WWP2: variants seen among roughly 807,000 people sequenced by gnomAD.
WWP2 encodes the protein NEDD4-like E3 ubiquitin-protein ligase WWP2.
In WWP2, 57 loss-of-function variants were observed where a neutral mutation model predicts 121.0. The observed-to-expected ratio is 0.47, with a 90% CI of 0.38 to 0.59. The LOEUF (loss-of-function observed/expected upper bound fraction) is 0.59. Among genes scored for constraint, WWP2 ranks in the 20% least tolerant of loss-of-function variants. The pLI, the probability that WWP2 is intolerant of heterozygous loss-of-function variation, is 0.00. For synonymous variants in WWP2, 449 were observed against 441.3 expected (o/e 1.02, Z -0.22); for missense variants, 962 against 1,158.9 (o/e 0.83, Z 2.47).
At chr16:69,876,785 A>G (rs1472426557) in intron 7 of WWP2, among the ~76,000 whole-genome samples, 1 of 152,198 alleles carries the variant, frequency 6.6e-6, no homozygotes, top group African/African-American at 2.4e-5. Flanking sequence ...GTAAATCTCC[A>G]TCAGAGCTCT....
chr16:69,868,690 C>CACAG (rs1411309107), intron 6 of WWP2, among the ~76,000 whole-genome samples: 1 of 139,326 alleles, frequency 7.2e-6, no homozygotes, highest in Non-Finnish European at 1.6e-5. Flanking sequence ...CACACACACA[C>CACAG]ACAGACATAC....
At chr16:69,892,699 A>G (rs1049948056) in intron 8 of WWP2, among the ~76,000 whole-genome samples, 1 of 152,144 alleles carries the variant, frequency 6.6e-6, no homozygotes, top group Admixed American at 6.5e-5. Context: ...ACACCCAGCT[A>G]ATTTTGTTTA....
chr16:69,882,652 G>A (rs142887057), intron 7 of WWP2, among the ~76,000 whole-genome samples: 13 of 152,274 alleles, frequency 8.5e-5, no homozygotes, highest in South Asian at 4.1e-4. Context: ...CGCAGGGGTC[G>A]GGAGGGCGTC....
At chr16:69,836,461 G>C in intron 4 of WWP2, among the ~76,000 whole-genome samples, 1 of 152,010 alleles carries the variant, frequency 6.6e-6, no homozygotes. Context: ...AGGTTGCCTT[G>C]CTTTGCTCTC....
chr16:69,790,677 G>A (rs2055890642), intron 2 of WWP2, among the ~76,000 whole-genome samples: 1 of 152,178 alleles, frequency 6.6e-6, no homozygotes, highest in East Asian at 1.9e-4. Context: ...CTGGGTTCAA[G>A]CGATTCTCAT....
At chr16:69,788,856 G>A (rs2055847604) in intron 2 of WWP2, among the ~76,000 whole-genome samples, 1 of 152,136 alleles carries the variant, frequency 6.6e-6, no homozygotes, top group South Asian at 2.1e-4. Context: ...GTGCCTGAAC[G>A]AAAGAATATT....
chr16:69,798,159 C>T (rs997898004), intron 2 of WWP2, among the ~76,000 whole-genome samples: 1 of 152,144 alleles, frequency 6.6e-6, no homozygotes, highest in Non-Finnish European at 1.5e-5. Context: ...GTTTACCTTT[C>T]TTGGAAAGGA....
chr16:69,898,069 A>G lies in WWP2; in HGVS notation c.914+9820A>G, dbSNP rs567765530. Reference sequence around the variant, plus strand: ...GAGACAGAGTCTTGCTCTGTTGCCCAGGCTGGAGTGTGCAGTGGCACAATC... The same window carrying G: ...GAGACAGAGTCTTGCTCTGTTGCCCGGGCTGGAGTGTGCAGTGGCACAATC... On this transcript the variant is annotated intron_variant, in intron 8 of 23. Coordinates refer to ENST00000359154, the MANE Select transcript of WWP2 (RefSeq NM_001270454.2). Among the ~76,000 whole-genome samples the G allele has an allele frequency of 1.2e-4, 15 of 124,248 alleles. No individual in the cohort carries two copies. In the Admixed American group the frequency reaches 1.5e-3, roughly 13 times the overall value. 81.5% of individuals were successfully genotyped at this position (124,248 alleles called of 152,430 possible). A position where few individuals can be genotyped will look rare whatever the true frequency, so the allele number is the denominator to read the frequency against.
At chr16:69,853,007 C>T (rs1235572591) in intron 6 of WWP2, among the ~76,000 whole-genome samples, 1 of 152,186 alleles carries the variant, frequency 6.6e-6, no homozygotes, top group Non-Finnish European at 1.5e-5. Context: ...AAGAGCAGTT[C>T]ACAAAGGGTC....
At chr16:69,928,769 A>G (rs74027734) in intron 11 of WWP2, among the ~76,000 whole-genome samples, 2,095 of 152,248 alleles carry the variant, frequency 0.014, 45 homozygotes, top group African/African-American at 0.047. Flanking sequence ...AAAAAGATAC[A>G]AGTCTAAGAA....
At chr16:69,840,387 A>G (rs1178510391) in intron 5 of WWP2, 124 bp downstream of exon 5, 3 of 1,347,472 alleles carry the variant, frequency 2.2e-6, no homozygotes, top group African/African-American at 1.4e-5. Context: ...AGCCTGGCCC[A>G]TAGCTAGCCC....
intron 8 of WWP2, among the ~76,000 whole-genome samples, chr16:69,899,017 C>A (rs532151848): frequency 2.0e-4 from 30 of 152,188 alleles, no homozygotes; most frequent in Non-Finnish European, 3.8e-4. Flanking sequence ...CTGCAGGATT[C>A]TTAATAATGC....
chr16:69,779,891 G>T (rs2055626850), intron 1 of WWP2, among the ~76,000 whole-genome samples: 1 of 151,980 alleles, frequency 6.6e-6, no homozygotes, highest in Admixed American at 6.6e-5. Flanking sequence ...TAAAATTATT[G>T]TTCAATTATG....
In WWP2 at chr16:69,840,064, G is replaced by A. The variant is rs2056947304; in HGVS notation, c.341-62G>A. The A allele has an allele frequency of 7.5e-6, 12 of 1,593,020 alleles. No individual in the cohort carries two copies. The South Asian group carries it at 1.0e-4, about 13-fold the overall frequency. On this transcript the variant is annotated intron_variant, in intron 4 of 23. Transcript: ENST00000359154. ...AGGTGAAATGAAAGCTTCTAATTTAGAGAATCTTAACTTGGGGTGCATTCT... is the reference window on the plus strand; with the variant it reads ...AGGTGAAATGAAAGCTTCTAATTTAAAGAATCTTAACTTGGGGTGCATTCT...
chr16:69,766,021 C>T (rs930256187), intron 1 of WWP2, among the ~76,000 whole-genome samples: 1 of 152,144 alleles, frequency 6.6e-6, no homozygotes, highest in African/African-American at 2.4e-5. Flanking sequence ...TGTGTCTAGC[C>T]TAGGCCTGTC....
chr16:69,870,922 C>T (rs912038669), intron 6 of WWP2, among the ~76,000 whole-genome samples: 2 of 152,186 alleles, frequency 1.3e-5, no homozygotes, highest in Non-Finnish European at 2.9e-5. Context: ...CTAAATTCCA[C>T]ACTTTTCTTT....
In WWP2 at chr16:69,925,248, A is replaced by G; in HGVS notation, c.1180-182A>G. 1 of 1,441,638 alleles carries G rather than the reference A, an allele frequency of 6.9e-7. No homozygotes were observed. The highest frequency in any genetic ancestry group is 1.7e-5 in the South Asian group (1 of 60,532). 89.3% of individuals were successfully genotyped at this position (1,441,638 alleles called of 1,614,324 possible). A position where few individuals can be genotyped will look rare whatever the true frequency, so the allele number is the denominator to read the frequency against. On this transcript the variant is annotated intron_variant, in intron 10 of 23. Transcript: ENST00000359154. The surrounding 1 kb of genome is among the most constrained non-coding windows in gnomAD (Gnocchi z 4.0). ...GTTCTTTTTTGGTTTTTCTGTAAAAATCAAAACAAAAAACAGAGACTTTTG... is the reference window on the plus strand; with the variant it reads ...GTTCTTTTTTGGTTTTTCTGTAAAAGTCAAAACAAAAAACAGAGACTTTTG...
intron 8 of WWP2, among the ~76,000 whole-genome samples, chr16:69,902,426 T>G (rs1425897534): frequency 6.6e-6 from 1 of 152,196 alleles, no homozygotes; most frequent in Non-Finnish European, 1.5e-5. Context: ...CGGAGACTGC[T>G]TTTAAAGTAC....
At chr16:69,827,168 T>C (rs1014224656) in intron 4 of WWP2, among the ~76,000 whole-genome samples, 7 of 149,186 alleles carry the variant, frequency 4.7e-5, no homozygotes, top group African/African-American at 1.7e-4. Flanking sequence ...AAAAAAAAAC[T>C]ACTGTGGAAT....
Sources: gnomAD v4.1 joint callset for allele counts (sites outside exome capture counted in the v4.1 genomes callset) on GRCh38, gnomAD v4.1.1 for gene constraint, Gnocchi (gnomAD v3.1) non-coding constraint, MANE v1.5 for transcripts, NCBI Gene and HGNC (gene_info 2026-07-23, HGNC 2026-07-21) for gene names.